The following VPS13B variants were observed in gnomAD, a reference collection of about 807,000 sequenced individuals.
VPS13B encodes vacuolar protein sorting 13 homolog B.
A neutral mutation model predicts 426.4 loss-of-function variants in VPS13B; 285 were observed. The ratio of observed to expected loss-of-function variants is 0.67; its 90% confidence interval spans 0.61 to 0.74. The LOEUF (loss-of-function observed/expected upper bound fraction) is 0.74. Ranked by LOEUF, VPS13B falls within the 30% of genes least tolerant of loss-of-function variation. The pLI is 0.00. For synonymous variants in VPS13B, 1,676 were observed against 1,676.4 expected, an observed-to-expected ratio of 1.00 and a Z score of 0.01; for missense variants, 4,537 against 4,782.6, an observed-to-expected ratio of 0.95 and a Z score of 1.51.
chr8:99,699,742 TGGAGTGCAAAA>T lies in VPS13B; in HGVS notation c.6266_6276del (p.Gly2089AspfsTer51). The stretch of plus-strand genomic sequence containing the variant: ...TGTCTAAACCCAAAATTCATGGTGA[TGGAGTGCAAAA>T]GATTTCAGCTCAAGAAAACATGTGG... On this transcript the variant is annotated frameshift_variant, in exon 36 of 62. Coordinates refer to ENST00000357162, the MANE Select transcript of VPS13B (RefSeq NM_152564.5). LOFTEE classifies it high-confidence loss of function. The T allele has an allele frequency of 6.2e-7, 1 of 1,614,156 alleles. No individual in the cohort carries two copies. The highest frequency in any genetic ancestry group is 8.5e-7 in the Non-Finnish European group (1 of 1,180,022).
intron 25 of VPS13B, among the ~76,000 whole-genome samples, chr8:99,501,354 C>G (rs766412545): frequency 6.6e-6 from 1 of 152,044 alleles, no homozygotes. Context: ...AAAATTTATT[C>G]CCCAATACAG....
intron 19 of VPS13B, among the ~76,000 whole-genome samples, chr8:99,289,114 G>A (rs1218391834): frequency 2.0e-5 from 3 of 151,758 alleles, no homozygotes; most frequent in Non-Finnish European, 4.4e-5. Context: ...AGAAAGAAAG[G>A]GAAATCAGGG....
intron 33 of VPS13B, among the ~76,000 whole-genome samples, chr8:99,588,176 ACTAT>A (rs893321207): frequency 5.4e-5 from 8 of 148,702 alleles, no homozygotes; most frequent in Non-Finnish European, 7.5e-5. Flanking sequence ...GTTCCATTGG[ACTAT>A]CTGTTTTGGT....
chr8:99,708,046 C>G (rs1460445778), intron 36 of VPS13B, among the ~76,000 whole-genome samples: 1 of 152,174 alleles, frequency 6.6e-6, no homozygotes, highest in African/African-American at 2.4e-5. Context: ...AGTTTCCTCG[C>G]ATAATTCAAT....
intron 3 of VPS13B, among the ~76,000 whole-genome samples, chr8:99,038,860 T>A (rs969474228): frequency 4.0e-5 from 6 of 151,862 alleles, no homozygotes; most frequent in African/African-American, 1.5e-4. Flanking sequence ...CTAATTTTTA[T>A]ATTTTTAGTA....
At chr8:99,435,765 T>C (rs1817336499) in intron 22 of VPS13B, among the ~76,000 whole-genome samples, 1 of 152,186 alleles carries the variant, frequency 6.6e-6, no homozygotes, top group Non-Finnish European at 1.5e-5. Flanking sequence ...TTCTAGATTC[T>C]TGTTTTGGTG....
chr8:99,496,665 C>G (rs1820901941), intron 25 of VPS13B, among the ~76,000 whole-genome samples: 1 of 151,886 alleles, frequency 6.6e-6, no homozygotes, highest in African/African-American at 2.4e-5. Flanking sequence ...AAAAAAAAAG[C>G]ACTAACATTT....
intron 30 of VPS13B, among the ~76,000 whole-genome samples, chr8:99,526,133 G>A (rs1283904490): frequency 6.6e-6 from 1 of 152,008 alleles, no homozygotes; most frequent in Non-Finnish European, 1.5e-5. Context: ...CACCAGCAGG[G>A]ACTAGAGATA....
chr8:99,039,321 A>G (rs961010728), intron 3 of VPS13B, among the ~76,000 whole-genome samples: 3 of 152,176 alleles, frequency 2.0e-5, no homozygotes, highest in African/African-American at 7.2e-5. Context: ...TTTTGGTATA[A>G]GAAACTGATT....
chr8:99,199,105 T>A (rs1410827852), intron 17 of VPS13B, among the ~76,000 whole-genome samples: 3 of 152,212 alleles, frequency 2.0e-5, no homozygotes, highest in Admixed American at 2.0e-4. Context: ...ATAAAGAGAT[T>A]ATACAAGCTG....
intron 31 of VPS13B, among the ~76,000 whole-genome samples, chr8:99,575,020 G>C (rs993858436): frequency 1.8e-4 from 28 of 151,992 alleles, no homozygotes; most frequent in Non-Finnish European, 3.7e-4. Flanking sequence ...AAATAAATTA[G>C]CCAGGCATGG....
chr8:99,399,545 T>A (rs746441402), intron 21 of VPS13B, among the ~76,000 whole-genome samples: 13 of 152,210 alleles, frequency 8.5e-5, no homozygotes, highest in Non-Finnish European at 1.0e-4. Flanking sequence ...TTTATGAAGA[T>A]GATAAATATG....
At chr8:99,191,000 G>C (rs866455374) in intron 16 of VPS13B, among the ~76,000 whole-genome samples, 2 of 151,464 alleles carry the variant, frequency 1.3e-5, no homozygotes, top group African/African-American at 4.8e-5. Flanking sequence ...TCTTCCCAGC[G>C]TTTAGTCATA....
At chr8:99,122,018 AT>A (rs34171446) in intron 8 of VPS13B, among the ~76,000 whole-genome samples, 401 of 140,060 alleles carry the variant, frequency 2.9e-3, no homozygotes, top group Middle Eastern at 0.011. Context: ...TGCCCAGCTA[AT>A]TTTTTTTTTT....
chr8:99,582,695 T>C (rs558568932), intron 33 of VPS13B, among the ~76,000 whole-genome samples: 9 of 152,160 alleles, frequency 5.9e-5, no homozygotes, highest in Admixed American at 5.2e-4. Context: ...TCGCTCTGTC[T>C]CCCAGGCAGG....
chr8:99,339,657 T>A (rs1414370153), intron 19 of VPS13B, among the ~76,000 whole-genome samples: 1 of 151,792 alleles, frequency 6.6e-6, no homozygotes, highest in Non-Finnish European at 1.5e-5. Context: ...TTTATTTAGG[T>A]CACTAAAAGT....
chr8:99,050,524 A>G (rs1843482781), intron 3 of VPS13B, among the ~76,000 whole-genome samples: 1 of 152,180 alleles, frequency 6.6e-6, no homozygotes, highest in African/African-American at 2.4e-5. Flanking sequence ...TAGCAGCATG[A>G]TTTATAATAC....
intron 3 of VPS13B, among the ~76,000 whole-genome samples, chr8:99,095,257 A>T (rs192743204): frequency 6.6e-6 from 1 of 152,288 alleles, no homozygotes; most frequent in Admixed American, 6.5e-5. Flanking sequence ...AGTTGTTAAC[A>T]TTACCCCATT....
chr8:99,197,087 A>T (rs1813977855), intron 17 of VPS13B, among the ~76,000 whole-genome samples: 3 of 152,132 alleles, frequency 2.0e-5, no homozygotes, highest in Non-Finnish European at 4.4e-5. Context: ...TGATGATATG[A>T]CTTTTGTCCT....
Sources: allele counts gnomAD v4.1 joint callset (sites outside exome capture counted in the v4.1 genomes callset), GRCh38; gene constraint gnomAD v4.1.1; transcripts MANE v1.5; gene names NCBI Gene and HGNC (gene_info 2026-07-23, HGNC 2026-07-21).